Variants in CUBN observed in about 807,000 individuals in gnomAD.
CUBN encodes 460 kDa receptor.
In CUBN, 282 loss-of-function variants were observed where a neutral mutation model predicts 405.3. The ratio of observed to expected loss-of-function variants is 0.70; its 90% CI spans 0.63 to 0.77. The LOEUF (loss-of-function observed/expected upper bound fraction) is 0.77, where lower values mean the gene tolerates loss of function less well. CUBN is among the 30% of genes least tolerant of loss of function. CUBN has a pLI of 0.00. For missense variants in CUBN, 4,514 were observed against 4,475.2 expected (o/e 1.01, Z -0.25); for synonymous variants, 1,684 against 1,617.0 (o/e 1.04, Z -0.99).
At chr10:16,875,238 T>C (rs553275319) in intron 57 of CUBN, among the ~76,000 whole-genome samples, 1 of 152,214 alleles carries the variant, frequency 6.6e-6, no homozygotes, top group African/African-American at 2.4e-5. Flanking sequence ...ACGACAGACA[T>C]AAAAATGTAA....
chr10:17,068,042 A>G (rs1449629156), intron 21 of CUBN, 22 bp downstream of exon 21: 1 of 1,580,036 alleles, frequency 6.3e-7, no homozygotes, highest in Admixed American at 1.7e-5. Flanking sequence ...ATTGTTAAAC[A>G]AACAAACAAA....
intron 36 of CUBN, among the ~76,000 whole-genome samples, chr10:16,941,051 T>A (rs989831706): frequency 4.6e-5 from 7 of 152,198 alleles, no homozygotes; most frequent in Admixed American, 1.3e-4. Flanking sequence ...AGGTAACATA[T>A]CTAAAGAGTC....
At chr10:16,997,990 C>T (rs1342525706) in intron 28 of CUBN, among the ~76,000 whole-genome samples, 1 of 151,874 alleles carries the variant, frequency 6.6e-6, no homozygotes, top group Admixed American at 6.6e-5. Context: ...GGGACACAAA[C>T]TGGAGTGATC....
chr10:16,876,846 C>A (rs754721866), intron 57 of CUBN, 51 bp downstream of exon 57: 1 of 1,482,476 alleles, frequency 6.7e-7, no homozygotes, highest in African/African-American at 1.4e-5. Flanking sequence ...TCTTTGTATA[C>A]ATTACTCAGA....
intron 58 of CUBN, 33 bp from the exon 59 acceptor site, chr10:16,869,886 C>CAG: frequency 6.9e-7 from 1 of 1,450,434 alleles, no homozygotes; most frequent in Non-Finnish European, 9.7e-7. Context: ...ACTGATGTTT[C>CAG]CATTTGGACT....
chr10:16,830,319 C>A (rs1048315746), intron 65 of CUBN, among the ~76,000 whole-genome samples: 5 of 152,140 alleles, frequency 3.3e-5, no homozygotes, highest in East Asian at 1.9e-4. Flanking sequence ...CCATTACCCA[C>A]GATTATCTTT....
intron 48 of CUBN, among the ~76,000 whole-genome samples, chr10:16,909,322 T>C (rs1457108380): frequency 6.6e-6 from 1 of 152,158 alleles, no homozygotes. Context: ...ATGCCAGTCT[T>C]TGCTTATCAT....
At chr10:17,116,006 C>T (rs1168516631) in intron 6 of CUBN, among the ~76,000 whole-genome samples, 2 of 152,316 alleles carry the variant, frequency 1.3e-5, no homozygotes, top group African/African-American at 2.4e-5. Context: ...GTGGGCTACA[C>T]TGATAACTCT....
chr10:16,973,081 T>C (rs1412074521), intron 31 of CUBN, among the ~76,000 whole-genome samples: 1 of 152,158 alleles, frequency 6.6e-6, no homozygotes, highest in African/African-American at 2.4e-5. Context: ...AATTTCAAAT[T>C]CTTAACTGGA....
chr10:17,020,091 G>C lies in CUBN; in HGVS notation c.4018-108C>G, dbSNP rs917120794. 2.4e-6 allele frequency: 3 copies of C among 1,236,402 alleles called. No homozygotes were observed. The African/African-American group carries it at 4.4e-5, about 18-fold the overall frequency. The allele number at this position is 1,236,402 out of a possible 1,614,324, so 76.6% of individuals were successfully genotyped here. On this transcript the variant is annotated intron_variant, in intron 27 of 66. Coordinates refer to ENST00000377833, the MANE Select transcript of CUBN (RefSeq NM_001081.4). Reference sequence around the variant, plus strand: ...CTGTTCCTTGGTTCAAAAGTTAGAGGTAAATCTGCTGAGGTGGGTTGAGTA... The same window carrying C: ...CTGTTCCTTGGTTCAAAAGTTAGAGCTAAATCTGCTGAGGTGGGTTGAGTA...
chr10:16,854,339 G>A (rs1347717161), intron 59 of CUBN, among the ~76,000 whole-genome samples: 1 of 152,190 alleles, frequency 6.6e-6, no homozygotes, highest in Non-Finnish European at 1.5e-5. Flanking sequence ...CTTCTACAGA[G>A]GGCCTTCAAT....
intron 8 of CUBN, among the ~76,000 whole-genome samples, chr10:17,111,821 G>T (rs1010481631): frequency 6.6e-6 from 1 of 152,242 alleles, no homozygotes; most frequent in African/African-American, 2.4e-5. Flanking sequence ...CTACTTGGGA[G>T]GCTGAGGCAG....
At chr10:17,044,142 C>A (rs1835072128) in intron 25 of CUBN, among the ~76,000 whole-genome samples, 159 bp from the exon 26 acceptor site, 1 of 142,932 alleles carries the variant, frequency 7.0e-6, no homozygotes. Flanking sequence ...TATAAATATT[C>A]ATTATATATA....
intron 27 of CUBN, among the ~76,000 whole-genome samples, chr10:17,036,615 G>T (rs1019187548): frequency 3.3e-5 from 5 of 152,092 alleles, no homozygotes; most frequent in African/African-American, 4.8e-5. Flanking sequence ...GGGGCTGAAG[G>T]GAAAACGTTC....
intron 40 of CUBN, among the ~76,000 whole-genome samples, chr10:16,932,301 G>A (rs986205839): frequency 6.6e-6 from 1 of 152,176 alleles, no homozygotes; most frequent in Admixed American, 6.5e-5. Context: ...TTTTTGCTGA[G>A]AACATGTACA....
In CUBN at chr10:16,900,644, C is replaced by T. The variant is rs779862921; in HGVS notation, c.8391G>A (p.Thr2797=). The stretch of plus-strand genomic sequence containing the variant: ...TTTTACCTAAAGTTTGTGTGTTCCA[C>T]GTAGCATAAAATCCACCACCTTGCA... ...HSLQGGGFYA[T]WNTQTLGCGG... is the part of the protein sequence containing the mutation. The change falls in exon 53 of 67, where the codon ACG becomes ACA. Residue 2797 remains threonine, a synonymous_variant. Coordinates refer to ENST00000377833, the MANE Select transcript of CUBN (RefSeq NM_001081.4). 4 of 1,613,566 alleles carry T rather than the reference C, an allele frequency of 2.5e-6. No homozygotes were observed. Among genetic ancestry groups the T allele is most frequent in the East Asian group, 2.2e-5 (1 of 44,878 alleles).
intron 31 of CUBN, among the ~76,000 whole-genome samples, chr10:16,963,182 C>CTTTTTTTTTT (rs1176337605): frequency 1.1e-5 from 1 of 90,946 alleles, no homozygotes; most frequent in African/African-American, 4.3e-5. Context: ...TTTTTCTTTT[C>CTTTTTTTTTT]TTTTCTTTTT....
At position 16,990,387 on chromosome 10, in the gene CUBN, T is replaced by C; in HGVS notation, c.4297A>G (p.Ile1433Val). ...TDPGSSIQLTIHDFDVEYHSR... is the reference protein window; with the variant it reads ...TDPGSSIQLTVHDFDVEYHSR... ...TGATACTCCACATCGAAGTCATGGA[T>C]GGTGAGCTGAATGCTACTCCCGGGG... Residue 1433 changes from isoleucine (I) to valine (V), a missense_variant, in exon 29 of 67, where the codon ATC (isoleucine) becomes GTC (valine). Ile to Val is a conservative substitution (Grantham distance 29). Coordinates refer to ENST00000377833, the MANE Select transcript of CUBN (RefSeq NM_001081.4). 1 of 1,614,182 alleles carries C rather than the reference T, an allele frequency of 6.2e-7. No homozygotes were observed.
In CUBN at chr10:16,869,847, A is replaced by G; in HGVS notation, c.9243T>C (p.Ser3081=). The change falls in exon 59 of 67, where the codon AGT becomes AGC. Residue 3081 remains serine (S), a synonymous_variant. Coordinates refer to ENST00000377833, the MANE Select transcript of CUBN (RefSeq NM_001081.4). ...SDDKVIELKF[S]DFDVVPSTSC... is the part of the protein sequence containing the mutation. ...AGGTGGAGGGAACCACATCAAAATCACTGAACCTGTGAAATGTACCTTGTT... is the reference window on the plus strand; with the variant it reads ...AGGTGGAGGGAACCACATCAAAATCGCTGAACCTGTGAAATGTACCTTGTT... The G allele has an allele frequency of 6.2e-7, 1 of 1,607,902 alleles. No individual in the cohort carries two copies. The highest frequency in any genetic ancestry group is 1.3e-5 in the African/African-American group (1 of 74,930).
Sources: gnomAD v4.1 joint callset for allele counts (sites outside exome capture counted in the v4.1 genomes callset) on GRCh38, gnomAD v4.1.1 for gene constraint, MANE v1.5 for transcripts, NCBI Gene and HGNC (gene_info 2026-07-23, HGNC 2026-07-21) for gene names.